The following SPRING1 variants were observed in gnomAD, a reference collection of about 807,000 sequenced individuals.
SPRING1 encodes SREBP regulating gene protein.
SPRING1 carries 14 observed loss-of-function variants against 24.7 expected under a neutral mutation model. That is an observed-to-expected ratio of 0.57 (90% CI 0.37 to 0.88). The LOEUF (loss-of-function observed/expected upper bound fraction) is 0.88. Ranked by LOEUF, SPRING1 falls within the 40% of genes least tolerant of loss-of-function variation. The pLI is 0.00. For missense variants in SPRING1, 255 were observed against 268.4 expected (o/e 0.95, Z 0.35); for synonymous variants, 93 against 106.1 (o/e 0.88, Z 0.76).
Position 116,714,501 on chromosome 12 carries a change from T to C in SPRING1, c.*3309A>G, listed in dbSNP as rs1414746364. 6.6e-6 allele frequency: 1 copy of C among 152,310 alleles called. No individual in the cohort carries two copies. Among genetic ancestry groups the C allele is most frequent in the Non-Finnish European group, 1.5e-5 (1 of 68,148 alleles). 9.4% of individuals were successfully genotyped at this position (152,310 alleles called of 1,614,324 possible). ...AAAAGCTGTGGAGCTCACCCATCAA[T>C]AGCAGCTCCATGCCGGGCGCAGTGG... On this transcript the variant is annotated 3_prime_UTR_variant, in exon 5 of 5. Coordinates refer to ENST00000261318, the MANE Select transcript of SPRING1 (RefSeq NM_024738.4).
chr12:116,720,395 G>A lies in SPRING1; in HGVS notation c.321C>T (p.Asn107=), dbSNP rs376518938. The A allele has an allele frequency of 3.8e-5, 62 of 1,614,048 alleles. No individual in the cohort carries two copies. The highest frequency in any genetic ancestry group is 2.0e-4 in the Admixed American group (12 of 60,002). The change falls in exon 3 of 5, where the codon AAC becomes AAT. Residue 107 remains asparagine (N), a synonymous_variant. Transcript: ENST00000261318. The surrounding 1 kb of genome is among the most constrained non-coding windows in gnomAD (Gnocchi z 4.0). ...AGCAGTACTGCTTCGTGCTAGGGAC[G>A]TTGACATTACAGCAGCCATTTACCA... ...DLLVNGCCNV[N]VPSTKQYCCD...
In SPRING1 at chr12:116,712,706, C is replaced by CTGCTGGTGAGG. The variant is rs1869926861; in HGVS notation, c.*5093_*5103dup. The CTGCTGGTGAGG allele has an allele frequency of 6.6e-6, 1 of 152,236 alleles. No individual in the cohort carries two copies. Among genetic ancestry groups the CTGCTGGTGAGG allele is most frequent in the South Asian group, 2.1e-4 (1 of 4,816 alleles). The allele number at this position is 152,236 out of a possible 1,614,324, so 9.4% of individuals were successfully genotyped here. A position where few individuals can be genotyped will look rare whatever the true frequency, so the allele number is the denominator to read the frequency against. ...CTCCAAAGCCACTCCATTCAAAGAACTGCTGGTGAGGTGCTGGGGAGTCAA... is the reference window on the plus strand; with the variant it reads ...CTCCAAAGCCACTCCATTCAAAGAACTGCTGGTGAGGTGCTGGTGAGGTGCTGGGGAGTCAA... On this transcript the variant is annotated 3_prime_UTR_variant, in exon 5 of 5. Coordinates refer to ENST00000261318, the MANE Select transcript of SPRING1 (RefSeq NM_024738.4).
rs1871378802 is a variant in SPRING1 at position 116,738,036 on chromosome 12, G to C, written c.-136C>G. 5.5e-6 allele frequency: 6 copies of C among 1,095,898 alleles called. No individual in the cohort carries two copies. Among genetic ancestry groups the C allele is most frequent in the African/African-American group, 1.7e-5 (1 of 59,834 alleles). The allele number at this position is 1,095,898 out of a possible 1,614,324, so 67.9% of individuals were successfully genotyped here. A position where few individuals can be genotyped will look rare whatever the true frequency, so the allele number is the denominator to read the frequency against. ...GGCCCCGCCGCCCGCAGCCCAGTCT[G>C]CTCCCGGCAGCCTTGGGCGCAGCCC... On this transcript the variant is annotated 5_prime_UTR_variant, in exon 1 of 5. Transcript: ENST00000261318.
At chr12:116,730,574 A>T (rs967211220) in intron 1 of SPRING1, among the ~76,000 whole-genome samples, 1 of 152,254 alleles carries the variant, frequency 6.6e-6, no homozygotes, top group Admixed American at 6.5e-5. Flanking sequence ...TTATATCTCA[A>T]TAAAACTTAC....
At position 116,720,240 on chromosome 12, in the gene SPRING1, TA is replaced by T; in HGVS notation, c.420+55del. ...CACATGAAGAGCCTAATGCTCATCA[TA>T]AAACAGAGGCCGAAAGAAAAAAGGA... is the stretch of plus-strand genomic sequence containing the variant. On this transcript the variant is annotated intron_variant, in intron 3 of 4. Coordinates refer to ENST00000261318, the MANE Select transcript of SPRING1 (RefSeq NM_024738.4). The surrounding 1 kb of genome is among the most constrained non-coding windows in gnomAD (Gnocchi z 4.0). 5 of 1,544,968 alleles carry T rather than the reference TA, an allele frequency of 3.2e-6. No individual in the cohort carries two copies. Among genetic ancestry groups the T allele is most frequent in the Non-Finnish European group, 4.3e-6 (5 of 1,151,052 alleles).
intron 1 of SPRING1, among the ~76,000 whole-genome samples, chr12:116,724,628 G>A (rs1157610171): frequency 6.6e-6 from 1 of 151,584 alleles, no homozygotes; most frequent in Non-Finnish European, 1.5e-5. Context: ...AGTGAGCCGA[G>A]ATCACACCAC....
At chr12:116,718,706 T>G (rs1870271754) in intron 4 of SPRING1, among the ~76,000 whole-genome samples, 2 of 152,210 alleles carry the variant, frequency 1.3e-5, no homozygotes. Flanking sequence ...GTTTTATCAG[T>G]GAAGGAAAGA....
intron 1 of SPRING1, among the ~76,000 whole-genome samples, chr12:116,734,667 AAG>A (rs1284063238): frequency 6.6e-6 from 1 of 152,202 alleles, no homozygotes; most frequent in South Asian, 2.1e-4. Flanking sequence ...TATAGTCTAG[AAG>A]AGAGAGTGAG....
intron 1 of SPRING1, among the ~76,000 whole-genome samples, chr12:116,724,157 A>G (rs908838699): frequency 5.3e-5 from 8 of 152,210 alleles, no homozygotes; most frequent in African/African-American, 1.9e-4. Context: ...TTACCTTTCA[A>G]AATAACCTGT....
At chr12:116,718,437 C>T (rs1199554837) in intron 4 of SPRING1, among the ~76,000 whole-genome samples, 1 of 152,240 alleles carries the variant, frequency 6.6e-6, no homozygotes, top group African/African-American at 2.4e-5. Flanking sequence ...TTCCTGATGG[C>T]TAATTTTTCA....
chr12:116,735,590 G>A (rs928829949), intron 1 of SPRING1, among the ~76,000 whole-genome samples: 3 of 151,922 alleles, frequency 2.0e-5, no homozygotes, highest in Non-Finnish European at 4.4e-5. Flanking sequence ...AAATTAGTCG[G>A]GTGTGGTGGT....
rs1870221228 is a variant in SPRING1 at position 116,717,790 on chromosome 12, G to T, written c.*20C>A. ...CAGCGGGGCCTCCTCACCCAGGCTG[G>T]AGCAAGTCCGCTGCACCCGTCAAGC... On this transcript the variant is annotated 3_prime_UTR_variant, in exon 5 of 5. Transcript: ENST00000261318. The surrounding 1 kb of genome is among the most constrained non-coding windows in gnomAD (Gnocchi z 4.2). 2 of 1,569,698 alleles carry T rather than the reference G, an allele frequency of 1.3e-6. No homozygotes were observed. Among genetic ancestry groups the T allele is most frequent in the African/African-American group, 1.3e-5 (1 of 74,188 alleles).
chr12:116,735,204 G>A (rs1871164621), intron 1 of SPRING1, among the ~76,000 whole-genome samples: 1 of 152,162 alleles, frequency 6.6e-6, no homozygotes, highest in Non-Finnish European at 1.5e-5. Flanking sequence ...GACTCGGGGA[G>A]GAACAAGTGC....
intron 1 of SPRING1, among the ~76,000 whole-genome samples, chr12:116,731,471 G>A (rs895717413): frequency 8.5e-5 from 13 of 152,190 alleles, no homozygotes; most frequent in African/African-American, 3.1e-4. Context: ...AAGGCTGGGT[G>A]CAGTAGCTCA....
rs1294770343 is a variant in SPRING1, at chr12:116,713,702, ATAT to A, written c.*4105_*4107del. On this transcript the variant is annotated 3_prime_UTR_variant, in exon 5 of 5. Coordinates refer to ENST00000261318, the MANE Select transcript of SPRING1 (RefSeq NM_024738.4). ...TAATGTCCTCAGCAGGGAATTAATA[ATAT>A]TATTGTATATTCATGAAATTGACAC... 2 of 152,212 alleles carry A rather than the reference ATAT, an allele frequency of 1.3e-5. No homozygotes were observed. The highest frequency in any genetic ancestry group is 2.1e-4 in the South Asian group (1 of 4,828). The allele number at this position is 152,212 out of a possible 1,614,324, so 9.4% of individuals were successfully genotyped here.
chr12:116,717,943 C>T lies in SPRING1; in HGVS notation c.535-50G>A, dbSNP rs377701665. The T allele has an allele frequency of 4.2e-5, 59 of 1,413,526 alleles. No individual in the cohort carries two copies. The African/African-American group carries it at 7.3e-4, about 17-fold the overall frequency. 87.6% of individuals were successfully genotyped at this position (1,413,526 alleles called of 1,614,324 possible). A position where few individuals can be genotyped will look rare whatever the true frequency, so the allele number is the denominator to read the frequency against. ...CGCAGTGAGAGCGAGCACAGCTTCACACACCTCCCTCTCGGAAGAGTGAGA... is the reference window on the plus strand; with the variant it reads ...CGCAGTGAGAGCGAGCACAGCTTCATACACCTCCCTCTCGGAAGAGTGAGA... On this transcript the variant is annotated intron_variant, in intron 4 of 4. Transcript: ENST00000261318. The surrounding 1 kb of genome is among the most constrained non-coding windows in gnomAD (Gnocchi z 4.2).
At chr12:116,737,670 T>G (rs1195490064) in intron 1 of SPRING1, 120 bp downstream of exon 1, 58 of 1,097,164 alleles carry the variant, frequency 5.3e-5, no homozygotes, top group African/African-American at 4.3e-4. Context: ...AGGGAAGGGG[T>G]AGGAAGACAG....
In SPRING1 at chr12:116,736,756, C is replaced by G. The variant is rs555064435; in HGVS notation, c.111+1034G>C. Among the ~76,000 whole-genome samples the G allele has an allele frequency of 5.3e-5, 8 of 152,210 alleles. No individual in the cohort carries two copies. In the East Asian group the frequency reaches 1.4e-3, roughly 26 times the overall value. Reference sequence around the variant, plus strand: ...TATTAATGCTTTGGGTAAGATTTCCCCACCCGTGCTCCTTGCTGTTTCTCC... The same window carrying G: ...TATTAATGCTTTGGGTAAGATTTCCGCACCCGTGCTCCTTGCTGTTTCTCC... On this transcript the variant is annotated intron_variant, in intron 1 of 4. Coordinates refer to ENST00000261318, the MANE Select transcript of SPRING1 (RefSeq NM_024738.4).
chr12:116,717,896 G>T lies in SPRING1; in HGVS notation c.535-3C>A. 6.3e-7 allele frequency: 1 copy of T among 1,598,484 alleles called. No homozygotes were observed. On this transcript the variant is annotated splice_region_variant and splice_polypyrimidine_tract_variant and intron_variant, in intron 4 of 4. Coordinates refer to ENST00000261318, the MANE Select transcript of SPRING1 (RefSeq NM_024738.4). This position sits in a 1 kb window ranked among gnomAD's most constrained non-coding sequence, Gnocchi z 4.2. ...TAGGTGTTCTCATGCTGCACGCTCT[G>T]TTGGCAAAAGGAAAATAAGAGCGCA... is the stretch of plus-strand genomic sequence containing the variant.
Sources: allele counts gnomAD v4.1 joint callset (sites outside exome capture counted in the v4.1 genomes callset), GRCh38; gene constraint gnomAD v4.1.1; non-coding constraint Gnocchi (gnomAD v3.1); transcripts MANE v1.5; gene names NCBI Gene and HGNC (gene_info 2026-07-23, HGNC 2026-07-21).